BNC2: variants seen among roughly 807,000 people sequenced by gnomAD.
The protein encoded by BNC2 is basonuclin zinc finger protein 2, also known as zinc finger protein basonuclin-2.
A neutral mutation model predicts 76.3 loss-of-function variants in BNC2; 20 were observed. That is an observed-to-expected ratio of 0.26 (90% CI 0.18 to 0.38). The LOEUF (loss-of-function observed/expected upper bound fraction) is 0.38. BNC2 is among the 10% of genes least tolerant of loss of function. The pLI is 1.00. For missense variants in BNC2, 1,382 were observed against 1,399.8 expected (o/e 0.99, Z 0.20); for synonymous variants, 582 against 514.8 (o/e 1.13, Z -1.77).
rs1587251718 is a variant in BNC2, at chr9:16,628,790, A to G, written c.331-45705T>C. Among the ~76,000 whole-genome samples, 4 of 152,340 alleles carry G rather than the reference A, an allele frequency of 2.6e-5. No individual in the cohort carries two copies. The East Asian group carries it at 7.7e-4, about 29-fold the overall frequency. On this transcript the variant is annotated intron_variant, in intron 3 of 6. Coordinates refer to ENST00000380672, the MANE Select transcript of BNC2 (RefSeq NM_017637.6). Reference sequence around the variant, plus strand: ...GCCCCAGATATTTTTACACAAATGCACTTTTCCTTTCTGTGAAACAACATT... The same window carrying G: ...GCCCCAGATATTTTTACACAAATGCGCTTTTCCTTTCTGTGAAACAACATT...
intron 3 of BNC2, among the ~76,000 whole-genome samples, chr9:16,700,434 C>T (rs1418928475): frequency 2.0e-5 from 3 of 151,988 alleles, no homozygotes; most frequent in Non-Finnish European, 4.4e-5. Context: ...TCACGTGAGC[C>T]CAGGAATTGG....
intron 1 of BNC2, among the ~76,000 whole-genome samples, chr9:16,854,229 G>A (rs1819199039): frequency 2.0e-5 from 3 of 152,162 alleles, no homozygotes; most frequent in Non-Finnish European, 4.4e-5. Flanking sequence ...GAAGCTGCTA[G>A]AATTAACCAA....
At chr9:16,577,016 G>A (rs1341794074) in intron 4 of BNC2, among the ~76,000 whole-genome samples, 7 of 152,250 alleles carry the variant, frequency 4.6e-5, no homozygotes, top group East Asian at 3.9e-4. Context: ...GATTACAGGC[G>A]TGAGCCACCG....
chr9:16,539,458 G>A (rs1410916221), intron 5 of BNC2, among the ~76,000 whole-genome samples: 2 of 151,078 alleles, frequency 1.3e-5, no homozygotes, highest in Non-Finnish European at 2.9e-5. Context: ...AGCCAGGGAG[G>A]TGGAGGCTGT....
intron 5 of BNC2, among the ~76,000 whole-genome samples, chr9:16,504,110 C>T (rs890933693): frequency 1.3e-5 from 2 of 152,038 alleles, no homozygotes; most frequent in African/African-American, 2.4e-5. Flanking sequence ...GTCATCTTAG[C>T]AACAGCACCC....
intron 3 of BNC2, among the ~76,000 whole-genome samples, chr9:16,583,869 C>G (rs998385789): frequency 5.9e-5 from 9 of 152,114 alleles, no homozygotes; most frequent in African/African-American, 2.2e-4. Context: ...ACTTAAAAAT[C>G]TTTCATTTCC....
intron 5 of BNC2, among the ~76,000 whole-genome samples, chr9:16,544,128 A>C (rs1160938408): frequency 6.6e-6 from 1 of 152,112 alleles, no homozygotes; most frequent in Non-Finnish European, 1.5e-5. Flanking sequence ...GGTGATCTGA[A>C]TATTTTTGTA....
At position 16,421,317 on chromosome 9, in the gene BNC2, G is replaced by A. The variant is rs774289248; in HGVS notation, c.2640-1668C>T. 50 of 1,279,102 alleles carry A rather than the reference G, an allele frequency of 3.9e-5. No individual in the cohort carries two copies. In the African/African-American group the frequency reaches 6.9e-4, roughly 18 times the overall value. The allele number at this position is 1,279,102 out of a possible 1,614,324, so 79.2% of individuals were successfully genotyped here. ...TTTGCTAAATCGATCACAAAAGAAA[G>A]CAAGAATAAGAGACAGAGAGAGAGA... On this transcript the variant is annotated intron_variant, in intron 6 of 6. Coordinates refer to ENST00000380672, the MANE Select transcript of BNC2 (RefSeq NM_017637.6).
At chr9:16,541,354 C>G (rs1001429209) in intron 5 of BNC2, among the ~76,000 whole-genome samples, 13 of 152,206 alleles carry the variant, frequency 8.5e-5, no homozygotes, top group African/African-American at 2.7e-4. Context: ...GAATTGGAAC[C>G]CTGATTCAGA....
intron 3 of BNC2, among the ~76,000 whole-genome samples, chr9:16,660,397 T>C (rs904559459): frequency 6.6e-6 from 1 of 150,378 alleles, no homozygotes; most frequent in African/African-American, 2.5e-5. Context: ...GAAGTTGCAG[T>C]GAGCTGAGAT....
rs149696974 is a variant in BNC2, at chr9:16,682,705, G to A, written c.330+45092C>T. Among the ~76,000 whole-genome samples the A allele has an allele frequency of 2.9e-3, 438 of 152,244 alleles. 3 individuals carry two copies. Among genetic ancestry groups the A allele is most frequent in the African/African-American group, 0.01 (422 of 41,544 alleles). The stretch of plus-strand genomic sequence containing the variant: ...ATCACAGCAAATTGTGTCTAATCTA[G>A]TACTGAAATATTGGTTCATTATTTA... On this transcript the variant is annotated intron_variant, in intron 3 of 6. Coordinates refer to ENST00000380672, the MANE Select transcript of BNC2 (RefSeq NM_017637.6).
intron 1 of BNC2, among the ~76,000 whole-genome samples, chr9:16,822,420 C>T (rs1818359635): frequency 1.3e-5 from 2 of 152,094 alleles, no homozygotes; most frequent in South Asian, 4.1e-4. Flanking sequence ...CCAAGTGAGT[C>T]TAGATGCAAA....
intron 3 of BNC2, among the ~76,000 whole-genome samples, chr9:16,606,436 T>C (rs764756356): frequency 4.0e-4 from 61 of 152,260 alleles, no homozygotes; most frequent in Middle Eastern, 3.4e-3. Flanking sequence ...CCACATGTTG[T>C]GGGACAGACC....
At chr9:16,550,443 A>G (rs1312646961) in intron 5 of BNC2, among the ~76,000 whole-genome samples, 2 of 152,246 alleles carry the variant, frequency 1.3e-5, no homozygotes, top group Admixed American at 6.5e-5. Flanking sequence ...AGATATGTTC[A>G]CAAGTTGGGG....
In BNC2 at chr9:16,552,645, C is replaced by T. The variant is rs746370194; in HGVS notation, c.554G>A (p.Arg185Gln). The change falls in exon 5 of 7, where the codon CGG (arginine) becomes CAG (glutamine). Residue 185 changes from arginine (R) to glutamine (Q), a missense_variant. Physicochemically the swap from Arg to Gln is conservative, Grantham distance 43. This residue lies in a region of BNC2 where 557 missense variants were observed against 540.9 expected (regional missense o/e 1.03). Coordinates refer to ENST00000380672, the MANE Select transcript of BNC2 (RefSeq NM_017637.6). ...GAGACGGTCCAGCAGGATCTTTAGCCGCACAGGCACTGCTTGTGTCCCATA... is the reference window on the plus strand; with the variant it reads ...GAGACGGTCCAGCAGGATCTTTAGCTGCACAGGCACTGCTTGTGTCCCATA... ...MLYGTQAVPV[R>Q]LKILLDRLFS... 7 of 1,614,182 alleles carry T rather than the reference C, an allele frequency of 4.3e-6. No individual in the cohort carries two copies. The highest frequency in any genetic ancestry group is 2.2e-5 in the South Asian group (2 of 91,084).
At chr9:16,506,501 T>C (rs889914786) in intron 5 of BNC2, among the ~76,000 whole-genome samples, 4 of 134,090 alleles carry the variant, frequency 3.0e-5, no homozygotes, top group African/African-American at 5.4e-5. Flanking sequence ...CACTTCTCTC[T>C]CTCTCTCTCC....
intron 5 of BNC2, among the ~76,000 whole-genome samples, chr9:16,527,729 C>T (rs961530787): frequency 4.6e-5 from 7 of 152,206 alleles, no homozygotes; most frequent in African/African-American, 1.4e-4. Context: ...TAGTTAACAG[C>T]TGTACCTACT....
chr9:16,457,519 G>A lies in BNC2; in HGVS notation c.670-19995C>T, dbSNP rs200075461. On this transcript the variant is annotated intron_variant, in intron 5 of 6. Coordinates refer to ENST00000380672, the MANE Select transcript of BNC2 (RefSeq NM_017637.6). ...CGCTTCCAGTGGTGCTCCCAGAGGA[G>A]TCACATAGGATGCATGTAATTTCTC... 3.9e-5 allele frequency among the ~76,000 whole-genome samples: 6 copies of A among 152,272 alleles called. No homozygotes were observed. In the East Asian group the frequency reaches 7.7e-4, roughly 20 times the overall value.
chr9:16,571,504 C>T (rs1298317127), intron 4 of BNC2, among the ~76,000 whole-genome samples: 3 of 152,098 alleles, frequency 2.0e-5, no homozygotes, highest in African/African-American at 4.8e-5. Context: ...ACCACACAGC[C>T]GTTGCTTGCT....
Sources: gnomAD v4.1 joint callset for allele counts (sites outside exome capture counted in the v4.1 genomes callset) on GRCh38, gnomAD v4.1.1 for gene constraint, gnomAD v4.1.1 regional missense constraint, MANE v1.5 for transcripts, NCBI Gene and HGNC (gene_info 2026-07-23, HGNC 2026-07-21) for gene names.